The following EIF2AK3 variants were observed in gnomAD, a reference collection of about 807,000 sequenced individuals.
EIF2AK3 encodes the protein eukaryotic translation initiation factor 2-alpha kinase 3.
EIF2AK3 carries 50 observed loss-of-function variants against 113.5 expected under a neutral mutation model. The ratio of observed to expected loss-of-function variants is 0.44; its 90% CI spans 0.35 to 0.56. The LOEUF is 0.56. EIF2AK3 is among the 20% of genes least tolerant of loss of function. EIF2AK3 has a pLI of 0.00. For synonymous variants in EIF2AK3, 448 were observed against 495.4 expected, an observed-to-expected ratio of 0.90 and a Z score of 1.27; for missense variants, 1,185 against 1,378.0, an observed-to-expected ratio of 0.86 and a Z score of 2.22.
chr2:88,597,674 CCTATCT>C (rs1006375288), intron 2 of EIF2AK3, among the ~76,000 whole-genome samples: 27 of 152,320 alleles, frequency 1.8e-4, no homozygotes, highest in African/African-American at 6.5e-4. Flanking sequence ...CCACAGAAAT[CCTATCT>C]AGCCTTCAAC....
chr2:88,575,284 T>A lies in EIF2AK3; in HGVS notation c.2199A>T (p.Ser733=), dbSNP rs1421972119. ...CCAGTGGTGAGAACTGGCTCTCAGA[T>A]GAACTTGTCTGGTCACAGGAAATCC... ...SVGISCDQTS[S]SESQFSPLEF... The change falls in exon 13 of 17, where the codon TCA becomes TCT. Residue 733 remains serine, a synonymous_variant. Coordinates refer to ENST00000303236, the MANE Select transcript of EIF2AK3 (RefSeq NM_004836.7). 6.2e-7 allele frequency: 1 copy of A among 1,614,052 alleles called. No individual in the cohort carries two copies. The highest frequency in any genetic ancestry group is 1.7e-5 in the Admixed American group (1 of 60,010).
intron 10 of EIF2AK3, chr2:88,580,026 T>G (rs375059771): frequency 3.7e-5 from 9 of 243,688 alleles, no homozygotes; most frequent in African/African-American, 2.1e-4. Context: ...AGAAAATGTG[T>G]TTTTATCTTA....
intron 13 of EIF2AK3, 164 bp downstream of exon 13, chr2:88,574,502 T>C (rs1436825584): frequency 3.8e-6 from 3 of 783,032 alleles, no homozygotes; most frequent in South Asian, 1.7e-5. Flanking sequence ...ATAAGACTTC[T>C]TATTCTTGCA....
rs994552991 is a variant in EIF2AK3, at chr2:88,556,896, T to C, written c.*840A>G. On this transcript the variant is annotated 3_prime_UTR_variant, in exon 17 of 17. Transcript: ENST00000303236. Reference sequence around the variant, plus strand: ...ATATTTACAGTGAAAAATAAAAACATGTTAGCAAGTGAGATGATTAAACTG... The same window carrying C: ...ATATTTACAGTGAAAAATAAAAACACGTTAGCAAGTGAGATGATTAAACTG... The C allele has an allele frequency of 7.9e-5, 12 of 152,172 alleles. No homozygotes were observed. Among genetic ancestry groups the C allele is most frequent in the African/African-American group, 2.2e-4 (9 of 41,440 alleles). 9.4% of individuals were successfully genotyped at this position (152,172 alleles called of 1,614,324 possible). A position where few individuals can be genotyped will look rare whatever the true frequency, so the allele number is the denominator to read the frequency against.
At chr2:88,598,152 T>C (rs1340927312) in intron 2 of EIF2AK3, among the ~76,000 whole-genome samples, 1 of 152,148 alleles carries the variant, frequency 6.6e-6, no homozygotes, top group Admixed American at 6.6e-5. Context: ...AATTCACATG[T>C]TCATACCAAT....
chr2:88,589,022 G>GA, intron 6 of EIF2AK3, 121 bp from the exon 7 acceptor site: 1 of 1,195,136 alleles, frequency 8.4e-7, no homozygotes, highest in Non-Finnish European at 1.2e-6. Context: ...TGTCAAAGAA[G>GA]AAACATGCTT....
At position 88,557,979 on chromosome 2, in the gene EIF2AK3, G is replaced by A. The variant is rs181248985; in HGVS notation, c.3151-43C>T. The A allele has an allele frequency of 3.1e-3, 4,899 of 1,575,478 alleles. 9 individuals are homozygous for A. The highest frequency in any genetic ancestry group is 4.0e-3 in the Non-Finnish European group (4,540 of 1,146,384). Reference sequence around the variant, plus strand: ...GTTTTGTGATAAAACGGCCAGGTTTGATCACTGTACAGTTTTTAAAATCAG... The same window carrying A: ...GTTTTGTGATAAAACGGCCAGGTTTAATCACTGTACAGTTTTTAAAATCAG... On this transcript the variant is annotated intron_variant, in intron 16 of 16. Coordinates refer to ENST00000303236, the MANE Select transcript of EIF2AK3 (RefSeq NM_004836.7).
intron 4 of EIF2AK3, 152 bp downstream of exon 4, chr2:88,593,120 C>T (rs1003383992): frequency 2.5e-5 from 22 of 870,722 alleles, no homozygotes; most frequent in African/African-American, 3.4e-5. Context: ...CAAGCCTGGG[C>T]GACAGAGCAA....
At chr2:88,588,519 C>G (rs563232949) in intron 7 of EIF2AK3, among the ~76,000 whole-genome samples, 3 of 152,120 alleles carry the variant, frequency 2.0e-5, no homozygotes, top group Non-Finnish European at 2.9e-5. Context: ...AAGAGTTTTT[C>G]TAAGTTGTAT....
intron 3 of EIF2AK3, chr2:88,593,865 A>G: frequency 8.0e-6 from 8 of 1,003,146 alleles, no homozygotes; most frequent in Middle Eastern, 5.1e-4. Context: ...CTAAAGAAAA[A>G]AGGAAGAGTT....
chr2:88,607,119 G>A (rs1293661720), intron 2 of EIF2AK3, among the ~76,000 whole-genome samples: 1 of 152,268 alleles, frequency 6.6e-6, no homozygotes, highest in Admixed American at 6.5e-5. Flanking sequence ...TTAAAAATGA[G>A]TTCCAAGACA....
At chr2:88,604,604 A>G (rs556729653) in intron 2 of EIF2AK3, among the ~76,000 whole-genome samples, 2 of 152,298 alleles carry the variant, frequency 1.3e-5, no homozygotes, top group East Asian at 1.9e-4. Context: ...ACAGTACCTT[A>G]TAAGTTCTAG....
intron 10 of EIF2AK3, among the ~76,000 whole-genome samples, chr2:88,581,837 A>G (rs1242591343): frequency 6.6e-6 from 1 of 152,196 alleles, no homozygotes; most frequent in African/African-American, 2.4e-5. Flanking sequence ...ACCATCCTGA[A>G]GCAGCTGGTT....
chr2:88,592,455 A>C (rs1328904311), intron 4 of EIF2AK3, among the ~76,000 whole-genome samples: 1 of 152,210 alleles, frequency 6.6e-6, no homozygotes, highest in Non-Finnish European at 1.5e-5. Context: ...ACTTTGAATG[A>C]TGAGATTGCT....
At chr2:88,590,319 G>A (rs1044591664) in intron 6 of EIF2AK3, 124 bp downstream of exon 6, 23 of 960,224 alleles carry the variant, frequency 2.4e-5, no homozygotes, top group East Asian at 9.7e-5. Flanking sequence ...CAAGGGCAAC[G>A]TACATCAGAG....
chr2:88,627,787 A>C (rs181605767), upstream of EIF2AK3: 1 of 153,550 alleles, frequency 6.5e-6, no homozygotes, highest in East Asian at 1.9e-4. Flanking sequence ...GCTGGAGAAG[A>C]CTTGAAGATC....
intron 1 of EIF2AK3, among the ~76,000 whole-genome samples, chr2:88,615,902 G>T (rs1184182251): frequency 1.3e-5 from 2 of 152,086 alleles, no homozygotes; most frequent in African/African-American, 4.8e-5. Context: ...AGTCAAGAAT[G>T]ACCTTCACAC....
At chr2:88,598,954 G>C (rs1478023620) in intron 2 of EIF2AK3, among the ~76,000 whole-genome samples, 1 of 151,924 alleles carries the variant, frequency 6.6e-6, no homozygotes, top group Non-Finnish European at 1.5e-5. Context: ...GTGGGCAAGA[G>C]GACACGGGCA....
At chr2:88,568,971 A>G (rs1248618413) in intron 14 of EIF2AK3, among the ~76,000 whole-genome samples, 1 of 152,046 alleles carries the variant, frequency 6.6e-6, no homozygotes, top group Non-Finnish European at 1.5e-5. Context: ...GCTCACTGCA[A>G]CCTCTGCCTC....
Sources: allele counts gnomAD v4.1 joint callset (sites outside exome capture counted in the v4.1 genomes callset), GRCh38; gene constraint gnomAD v4.1.1; transcripts MANE v1.5; gene names NCBI Gene and HGNC (gene_info 2026-07-23, HGNC 2026-07-21).